CADPS: variants seen among roughly 807,000 people sequenced by gnomAD.
The protein encoded by CADPS is calcium dependent secretion activator.
In CADPS, 57 loss-of-function variants were observed where a neutral mutation model predicts 167.3. That is an observed-to-expected ratio of 0.34 (90% CI 0.28 to 0.42). The LOEUF (loss-of-function observed/expected upper bound fraction) is 0.42. Among genes scored for constraint, CADPS ranks in the 20% least tolerant of loss-of-function variants. The probability of loss-of-function intolerance (pLI) is 1.00; values close to 1 mark genes in which losing one functional copy is unlikely to be tolerated. For missense variants in CADPS, 1,414 were observed against 1,738.1 expected (o/e 0.81, Z 3.32); for synonymous variants, 676 against 635.3 (o/e 1.06, Z -0.96).
At chr3:62,843,313 C>T (rs1180926132) in intron 1 of CADPS, among the ~76,000 whole-genome samples, 3 of 152,026 alleles carry the variant, frequency 2.0e-5, no homozygotes, top group Non-Finnish European at 4.4e-5. Context: ...ATAACTAAAG[C>T]CACAAGTATT....
chr3:62,552,526 T>A (rs1562045998), intron 10 of CADPS, among the ~76,000 whole-genome samples: 1 of 152,194 alleles, frequency 6.6e-6, no homozygotes, highest in Non-Finnish European at 1.5e-5. Flanking sequence ...CTTCATCAGG[T>A]TCCTCGTCGC....
At chr3:62,696,213 C>T (rs2080245482) in intron 3 of CADPS, among the ~76,000 whole-genome samples, 1 of 152,062 alleles carries the variant, frequency 6.6e-6, no homozygotes, top group Admixed American at 6.5e-5. Flanking sequence ...GCTCTGCCAG[C>T]TGCTCCTTGC....
chr3:62,460,226 A>G (rs1216997617), intron 26 of CADPS, among the ~76,000 whole-genome samples: 3 of 152,202 alleles, frequency 2.0e-5, no homozygotes. Context: ...GCATGCATAC[A>G]CTTAGCACAG....
intron 13 of CADPS, chr3:62,530,657 T>C (rs2073439890): frequency 1.6e-6 from 2 of 1,287,352 alleles, no homozygotes; most frequent in African/African-American, 3.0e-5. Flanking sequence ...TTCTTACCTT[T>C]TCAGCTCTTG....
intron 1 of CADPS, among the ~76,000 whole-genome samples, chr3:62,812,668 T>C (rs1187972950): frequency 6.6e-6 from 1 of 152,168 alleles, no homozygotes; most frequent in African/African-American, 2.4e-5. Flanking sequence ...ATAGGAGCAA[T>C]TAAATGGTTC....
chr3:62,483,527 T>C (rs1366567700), intron 21 of CADPS, among the ~76,000 whole-genome samples: 1 of 152,190 alleles, frequency 6.6e-6, no homozygotes, highest in Non-Finnish European at 1.5e-5. Context: ...TGCAAAATTG[T>C]CTACCTGGCA....
At chr3:62,593,207 C>T (rs1436855630) in intron 6 of CADPS, among the ~76,000 whole-genome samples, 8 of 152,212 alleles carry the variant, frequency 5.3e-5, no homozygotes, top group Non-Finnish European at 1.0e-4. Context: ...AGGTGGGGAG[C>T]CCCATTTTCA....
At chr3:62,519,035 T>C (rs182327284) in intron 13 of CADPS, among the ~76,000 whole-genome samples, 4 of 152,322 alleles carry the variant, frequency 2.6e-5, no homozygotes, top group African/African-American at 7.2e-5. Flanking sequence ...TGCATACATA[T>C]ATACTCTATT....
At chr3:62,487,173 G>A (rs568899284) in intron 21 of CADPS, among the ~76,000 whole-genome samples, 1 of 152,320 alleles carries the variant, frequency 6.6e-6, no homozygotes, top group South Asian at 2.1e-4. Context: ...CCCCATGCCT[G>A]GAGGTGTTTA....
At position 62,596,088 on chromosome 3, in the gene CADPS, T is replaced by TAC. The variant is rs56780830; in HGVS notation, c.1326-3342_1326-3341dup. On this transcript the variant is annotated intron_variant, in intron 6 of 29. Transcript: ENST00000383710. ...TAACTCCCGTTTTTATATATATGTATACACACACACACACACACACACACA... is the reference window on the plus strand; with the variant it reads ...TAACTCCCGTTTTTATATATATGTATACACACACACACACACACACACACACA... Among the ~76,000 whole-genome samples, 1,202 of 135,906 alleles carry TAC rather than the reference T, an allele frequency of 8.8e-3. 10 individuals carry two copies. Among genetic ancestry groups the TAC allele is most frequent in the African/African-American group, 0.023 (815 of 35,076 alleles). 89.2% of individuals were successfully genotyped at this position (135,906 alleles called of 152,430 possible). A position where few individuals can be genotyped will look rare whatever the true frequency, so the allele number is the denominator to read the frequency against.
chr3:62,745,230 C>G (rs79208125), intron 3 of CADPS, among the ~76,000 whole-genome samples: 12,778 of 152,102 alleles, frequency 0.084, 585 homozygotes, highest in South Asian at 0.14. Context: ...CCACGCCCAG[C>G]TAAATTATTT....
At position 62,475,584 on chromosome 3, in the gene CADPS, G is replaced by GAAAA. The variant is rs34263556; in HGVS notation, c.3330-1268_3330-1265dup. 1.8e-3 allele frequency among the ~76,000 whole-genome samples: 102 copies of GAAAA among 55,920 alleles called. 6 individuals are homozygous for GAAAA. Among genetic ancestry groups the GAAAA allele is most frequent in the African/African-American group, 2.9e-3 (38 of 13,000 alleles). 36.7% of individuals were successfully genotyped at this position (55,920 alleles called of 152,430 possible). On this transcript the variant is annotated intron_variant, in intron 23 of 29. Coordinates refer to ENST00000383710, the MANE Select transcript of CADPS (RefSeq NM_003716.4). ...CTAAGGTTGGGAGCCCAGTTCTTAA[G>GAAAA]AAAAAAAAAAAAAAAAAAAAAAAAA...
At chr3:62,646,331 A>AT (rs966175782) in intron 5 of CADPS, among the ~76,000 whole-genome samples, 257 of 144,440 alleles carry the variant, frequency 1.8e-3, no homozygotes, top group African/African-American at 2.5e-3. Context: ...TGCCCAGCTA[A>AT]TTTTTTTTTT....
intron 1 of CADPS, among the ~76,000 whole-genome samples, chr3:62,852,007 C>T (rs28583449): frequency 0.16 from 23,931 of 145,596 alleles, 2,195 homozygotes; most frequent in Middle Eastern, 0.28. Context: ...CTTCCCTTCT[C>T]GCTTCATTTC....
intron 1 of CADPS, among the ~76,000 whole-genome samples, chr3:62,861,052 C>T (rs2080707217): frequency 6.6e-6 from 1 of 152,178 alleles, no homozygotes; most frequent in African/African-American, 2.4e-5. Flanking sequence ...GCCTCCTCCT[C>T]TCTCCTTCTA....
intron 6 of CADPS, among the ~76,000 whole-genome samples, chr3:62,638,077 T>TTATA (rs928423543): frequency 0.02 from 747 of 36,776 alleles, 11 homozygotes; most frequent in Middle Eastern, 0.041. Flanking sequence ...GTTTTAAGCA[T>TTATA]TATATATATA....
At chr3:62,488,373 C>A (rs2063154650) in intron 21 of CADPS, among the ~76,000 whole-genome samples, 1 of 152,162 alleles carries the variant, frequency 6.6e-6, no homozygotes, top group Non-Finnish European at 1.5e-5. Flanking sequence ...CCATTTTATT[C>A]CATTCTGCAA....
At chr3:62,443,603 G>C (rs2056725873) in intron 27 of CADPS, among the ~76,000 whole-genome samples, 1 of 152,102 alleles carries the variant, frequency 6.6e-6, no homozygotes, top group Non-Finnish European at 1.5e-5. Flanking sequence ...GATACTGAGT[G>C]AGTTCTCAGG....
At chr3:62,472,633 T>A (rs2060762991) in intron 24 of CADPS, among the ~76,000 whole-genome samples, 1 of 152,220 alleles carries the variant, frequency 6.6e-6, no homozygotes, top group Non-Finnish European at 1.5e-5. Context: ...TACTTTTATT[T>A]GTGTCACATG....
Sources: allele counts gnomAD v4.1 joint callset (sites outside exome capture counted in the v4.1 genomes callset), GRCh38; gene constraint gnomAD v4.1.1; transcripts MANE v1.5; gene names NCBI Gene and HGNC (gene_info 2026-07-23, HGNC 2026-07-21).